The following LSM6 variants were observed in gnomAD, a reference collection of about 807,000 sequenced individuals.
LSM6 encodes the protein U6 snRNA-associated Sm-like protein LSm6.
A neutral mutation model predicts 13.5 loss-of-function variants in LSM6; 2 were observed. The observed-to-expected ratio is 0.15, with a 90% CI of 0.06 to 0.47. The LOEUF (loss-of-function observed/expected upper bound fraction) is 0.47. Ranked by LOEUF, LSM6 falls within the 20% of genes least tolerant of loss-of-function variation. LSM6 has a pLI of 0.97. For synonymous variants in LSM6, 43 were observed against 34.9 expected, an observed-to-expected ratio of 1.23 and a Z score of -0.82; for missense variants, 58 against 96.4, an observed-to-expected ratio of 0.60 and a Z score of 1.67.
chr4:146,180,263 T>G (rs1001052965), intron 1 of LSM6, among the ~76,000 whole-genome samples: 1 of 152,238 alleles, frequency 6.6e-6, no homozygotes, highest in African/African-American at 2.4e-5. Flanking sequence ...TTGCCCTCTC[T>G]GGAATGTAAA....
intron 1 of LSM6, among the ~76,000 whole-genome samples, chr4:146,179,258 T>C (rs1730179385): frequency 6.6e-6 from 1 of 152,198 alleles, no homozygotes; most frequent in African/African-American, 2.4e-5. Context: ...CTTTTTCCTC[T>C]TATGTGTTTA....
At chr4:146,188,386 A>G (rs1209130944) in intron 3 of LSM6, among the ~76,000 whole-genome samples, 2 of 151,084 alleles carry the variant, frequency 1.3e-5, no homozygotes, top group East Asian at 2.0e-4. Context: ...TAACGTGCAC[A>G]CTACCCCTAG....
At chr4:146,187,495 G>T in intron 3 of LSM6, 108 bp downstream of exon 3, 2 of 622,720 alleles carry the variant, frequency 3.2e-6, no homozygotes, top group South Asian at 2.6e-5. Context: ...TTTTAGGCTT[G>T]ATTATTTTAA....
intron 1 of LSM6, among the ~76,000 whole-genome samples, chr4:146,182,629 G>A (rs1239697215): frequency 1.3e-5 from 2 of 152,248 alleles, no homozygotes; most frequent in Non-Finnish European, 2.9e-5. Context: ...GTGATTAAGA[G>A]CAGGTGCTTT....
chr4:146,185,656 T>C (rs1487958113), intron 2 of LSM6, among the ~76,000 whole-genome samples: 1 of 148,952 alleles, frequency 6.7e-6, no homozygotes, highest in Non-Finnish European at 1.5e-5. Flanking sequence ...TTTGTTGTTG[T>C]TGTTGCTTGT....
chr4:146,180,091 A>G (rs1437868403), intron 1 of LSM6, among the ~76,000 whole-genome samples: 1 of 152,144 alleles, frequency 6.6e-6, no homozygotes, highest in Non-Finnish European at 1.5e-5. Context: ...CTCTTCTTTC[A>G]GCTAGGGGGT....
intron 2 of LSM6, among the ~76,000 whole-genome samples, chr4:146,183,965 A>C (rs1730291540): frequency 6.8e-6 from 1 of 147,462 alleles, no homozygotes; most frequent in African/African-American, 2.5e-5. Context: ...CTCCGCCTCT[A>C]GACTGGGTAA....
At chr4:146,180,415 T>C (rs973928583) in intron 1 of LSM6, among the ~76,000 whole-genome samples, 23 of 152,232 alleles carry the variant, frequency 1.5e-4, no homozygotes, top group African/African-American at 5.3e-4. Flanking sequence ...TAAAGCATAA[T>C]GGACAAGGCG....
At chr4:146,181,951 TGTTA>T (rs1000577964) in intron 1 of LSM6, among the ~76,000 whole-genome samples, 1 of 152,226 alleles carries the variant, frequency 6.6e-6, no homozygotes, top group Non-Finnish European at 1.5e-5. Context: ...TCTTTTTCTG[TGTTA>T]GACTCCTGTT....
intron 2 of LSM6, 101 bp downstream of exon 2, chr4:146,183,116 G>T: frequency 1.3e-6 from 1 of 752,152 alleles, no homozygotes; most frequent in Non-Finnish European, 2.3e-6. Flanking sequence ...GGCCAAAAAA[G>T]TACTGGTCAT....
At chr4:146,180,884 G>A (rs940835544) in intron 1 of LSM6, 11 of 152,204 alleles carry the variant, frequency 7.2e-5, no homozygotes, top group Non-Finnish European at 1.5e-4. Context: ...TGTAAATAAG[G>A]CGGTTTATAG....
At chr4:146,178,439 A>G (rs1183933475) in intron 1 of LSM6, among the ~76,000 whole-genome samples, 1 of 152,226 alleles carries the variant, frequency 6.6e-6, no homozygotes, top group Non-Finnish European at 1.5e-5. Flanking sequence ...TTCAAAAGAC[A>G]GCGAGGAACT....
At chr4:146,185,754 T>G (rs1380740926) in intron 2 of LSM6, among the ~76,000 whole-genome samples, 2 of 152,062 alleles carry the variant, frequency 1.3e-5, no homozygotes, top group African/African-American at 4.8e-5. Flanking sequence ...TTTTCTTTTT[T>G]GAGACCGAGT....
At chr4:146,180,853 C>T (rs539440502) in intron 1 of LSM6, 1 of 152,218 alleles carries the variant, frequency 6.6e-6, no homozygotes, top group Admixed American at 6.5e-5. Flanking sequence ...TGTTCAGCCT[C>T]AAAACAGCAT....
At chr4:146,177,284 G>T (rs1192057775) in intron 1 of LSM6, among the ~76,000 whole-genome samples, 1 of 152,160 alleles carries the variant, frequency 6.6e-6, no homozygotes, top group Non-Finnish European at 1.5e-5. Context: ...CTGAACTGTG[G>T]CATAGTAGAT....
In LSM6 at chr4:146,187,368, A is replaced by G. The variant is rs763312701; in HGVS notation, c.189A>G (p.Ala63=). The G allele has an allele frequency of 6.2e-7, 1 of 1,608,174 alleles. No homozygotes were observed. Among genetic ancestry groups the G allele is most frequent in the African/African-American group, 1.3e-5 (1 of 74,804 alleles). ...AACTGAAGAATAAGTATGGGGATGC[A>G]TTTATCCGAGGAAACAATGGTAACA... is the stretch of plus-strand genomic sequence containing the variant. The part of the protein sequence containing the change: ...NGQLKNKYGD[A]FIRGNNVLYI... Residue 63 remains alanine, a synonymous_variant, in exon 3 of 4, where the codon GCA becomes GCG. Transcript: ENST00000296581.
rs1357755393 is a variant in LSM6, at chr4:146,189,691, T to C, written c.*35T>C. 6.5e-7 allele frequency: 1 copy of C among 1,540,074 alleles called. No homozygotes were observed. The highest frequency in any genetic ancestry group is 1.2e-5 in the South Asian group (1 of 82,240). ...GAGAGCAACGCTTTTCATAGTTGGA[T>C]ATATTTTTTTATGAATTTTTTCTAA... is the stretch of plus-strand genomic sequence containing the variant. On this transcript the variant is annotated 3_prime_UTR_variant, in exon 4 of 4. Coordinates refer to ENST00000296581, the MANE Select transcript of LSM6 (RefSeq NM_007080.3).
chr4:146,189,120 G>A (rs142917534), intron 3 of LSM6, among the ~76,000 whole-genome samples: 9 of 151,706 alleles, frequency 5.9e-5, no homozygotes, highest in South Asian at 2.1e-4. Context: ...GTTCTAAGTC[G>A]CTGGGACTAC....
chr4:146,187,524 C>T, intron 3 of LSM6, 137 bp downstream of exon 3: 2 of 574,096 alleles, frequency 3.5e-6, no homozygotes, highest in Non-Finnish European at 6.2e-6. Flanking sequence ...TATGTCAGAT[C>T]TTCAGTTTGA....
Sources: allele counts gnomAD v4.1 joint callset (sites outside exome capture counted in the v4.1 genomes callset), GRCh38; gene constraint gnomAD v4.1.1; transcripts MANE v1.5; gene names NCBI Gene and HGNC (gene_info 2026-07-23, HGNC 2026-07-21).